Variants in KANK3 observed in about 807,000 individuals in gnomAD.
The protein encoded by KANK3 is KN motif and ankyrin repeat domain-containing protein 3.
In KANK3, 61 loss-of-function variants were observed where a neutral mutation model predicts 65.4. The ratio of observed to expected loss-of-function variants is 0.93; its 90% CI spans 0.76 to 1.15. The LOEUF (loss-of-function observed/expected upper bound fraction) is 1.15, where lower values mean the gene tolerates loss of function less well. Ranked by LOEUF, KANK3 falls within the 50% of genes most tolerant of loss-of-function variation. The probability of loss-of-function intolerance (pLI) is 0.00; values close to 1 mark genes in which losing one functional copy is unlikely to be tolerated. For synonymous variants in KANK3, 586 were observed against 543.3 expected, an observed-to-expected ratio of 1.08 and a Z score of -1.09; for missense variants, 1,187 against 1,178.8, an observed-to-expected ratio of 1.01 and a Z score of -0.10.
intron 1 of KANK3, among the ~76,000 whole-genome samples, chr19:8,340,275 C>CGTATATATAT (rs780229218): frequency 0.018 from 1,186 of 65,446 alleles, 19 homozygotes; most frequent in African/African-American, 0.062. Flanking sequence ...AAAAAAAAAC[C>CGTATATATAT]ATATATATAT....
At chr19:8,341,862 A>G (rs564547865) in intron 1 of KANK3, among the ~76,000 whole-genome samples, 36 of 152,072 alleles carry the variant, frequency 2.4e-4, no homozygotes, top group African/African-American at 6.7e-4. Context: ...CCCTTCCCCT[A>G]TTGTACAGAT....
Position 8,322,799 on chromosome 19 carries a change from A to T in KANK3, c.*40T>A. ...AAAGGCTGAGGTGACTGACGAGGAG[A>T]TCTCCCCACAGCTAGGTGTAGTGAG... On this transcript the variant is annotated 3_prime_UTR_variant, in exon 11 of 11. Transcript: ENST00000330915. 1 of 1,466,512 alleles carries T rather than the reference A, an allele frequency of 6.8e-7. No homozygotes were observed. The highest frequency in any genetic ancestry group is 9.5e-7 in the Non-Finnish European group (1 of 1,050,114). The allele number at this position is 1,466,512 out of a possible 1,614,324, so 90.8% of individuals were successfully genotyped here.
chr19:8,324,377 G>A, intron 10 of KANK3, 72 bp downstream of exon 10: 1 of 1,365,788 alleles, frequency 7.3e-7, no homozygotes, highest in Non-Finnish European at 1.0e-6. Context: ...GGGAGGCTCA[G>A]GGCATATTTA....
At position 8,333,267 on chromosome 19, in the gene KANK3, G is replaced by A. The variant is rs1266304145; in HGVS notation, c.1720-37C>T. 1.2e-5 allele frequency: 19 copies of A among 1,537,758 alleles called. No individual in the cohort carries two copies. Among genetic ancestry groups the A allele is most frequent in the Non-Finnish European group, 1.5e-5 (17 of 1,130,002 alleles). The stretch of plus-strand genomic sequence containing the variant: ...AGGGGCCAAGATAACATCGGCGATG[G>A]TCCACGGCGGCGCCGTGGTGGGGGA... On this transcript the variant is annotated intron_variant, in intron 6 of 10. Transcript: ENST00000330915. The surrounding 1 kb of genome is among the most constrained non-coding windows in gnomAD (Gnocchi z 5.0).
intron 7 of KANK3, among the ~76,000 whole-genome samples, chr19:8,326,481 T>TAAA (rs369948563): frequency 1.2e-4 from 14 of 119,486 alleles, no homozygotes; most frequent in African/African-American, 2.7e-4. Flanking sequence ...CCACCTGTTG[T>TAAA]AAAAAAAAAA....
At chr19:8,326,850 C>T (rs1194361395) in intron 7 of KANK3, among the ~76,000 whole-genome samples, 2 of 152,022 alleles carry the variant, frequency 1.3e-5, no homozygotes, top group African/African-American at 2.4e-5. Context: ...GTCTGGCCAC[C>T]TGTTGTTTGA....
chr19:8,333,762 G>A lies in KANK3; in HGVS notation c.1681C>T (p.Arg561Trp). 6.7e-7 allele frequency: 1 copy of A among 1,489,954 alleles called. No homozygotes were observed. The highest frequency in any genetic ancestry group is 1.3e-5 in the South Asian group (1 of 77,616). 92.3% of individuals were successfully genotyped at this position (1,489,954 alleles called of 1,614,324 possible). A position where few individuals can be genotyped will look rare whatever the true frequency, so the allele number is the denominator to read the frequency against. ...ACTCCGCGGGGCCGGCTCAGCTGCC[G>A]CTGCAGCGCTACGCACGCCTCCCTC... ...RLREACVALQ[R>W]QLSRPRGVAS... The change falls in exon 6 of 11, where the codon CGG becomes TGG. Residue 561 changes from arginine to tryptophan, a missense_variant. Physicochemically the swap from Arg to Trp is moderately radical, Grantham distance 101. Around this residue, in one of 3 missense-constraint regions of KANK3, gnomAD observed 1,078 missense variants for 1,038.2 expected, o/e 1.04. Coordinates refer to ENST00000330915, the MANE Select transcript of KANK3 (RefSeq NM_198471.3). This position sits in a 1 kb window ranked among gnomAD's most constrained non-coding sequence, Gnocchi z 5.0.
At position 8,333,043 on chromosome 19, in the gene KANK3, A is replaced by G; in HGVS notation, c.1907T>C (p.Leu636Pro). 1 of 1,339,312 alleles carries G rather than the reference A, an allele frequency of 7.5e-7. No individual in the cohort carries two copies. Among genetic ancestry groups the G allele is most frequent in the Admixed American group, 2.2e-5 (1 of 45,882 alleles). The allele number at this position is 1,339,312 out of a possible 1,614,324, so 83.0% of individuals were successfully genotyped here. A position where few individuals can be genotyped will look rare whatever the true frequency, so the allele number is the denominator to read the frequency against. ...ALHYSVSHGN[L>P]AIASLLLDTG... is the part of the protein sequence containing the mutation. ...ATCCAGGAGCAGGCTTGCGATGGCC[A>G]GGTTCCCGTGGGACACACTGTAGTG... is the stretch of plus-strand genomic sequence containing the variant. Residue 636 changes from leucine (L) to proline (P), a missense_variant, in exon 7 of 11, where the codon CTG becomes CCG. Transcript: ENST00000330915. This position sits in a 1 kb window ranked among gnomAD's most constrained non-coding sequence, Gnocchi z 5.0.
chr19:8,339,613 G>A (rs1389441489), intron 1 of KANK3, among the ~76,000 whole-genome samples: 13 of 152,046 alleles, frequency 8.6e-5, no homozygotes, highest in Non-Finnish European at 1.9e-4. Context: ...ACCCACCTCG[G>A]CATCCCAAAG....
At chr19:8,340,951 G>A (rs1970716475) in intron 1 of KANK3, among the ~76,000 whole-genome samples, 1 of 152,252 alleles carries the variant, frequency 6.6e-6, no homozygotes, top group East Asian at 1.9e-4. Flanking sequence ...CAGATCAAGG[G>A]TTGGGGGGTC....
At chr19:8,325,294 A>ATTTTTTTTT (rs1970406243) in intron 7 of KANK3, among the ~76,000 whole-genome samples, 198 bp from the exon 8 acceptor site, 2 of 66,498 alleles carry the variant, frequency 3.0e-5, no homozygotes, top group Non-Finnish European at 6.3e-5. Context: ...TTCCTGTTTC[A>ATTTTTTTTT]TCTTTTTTTT....
intron 1 of KANK3, among the ~76,000 whole-genome samples, chr19:8,338,322 G>A (rs775956155): frequency 1.3e-5 from 2 of 151,892 alleles, no homozygotes; most frequent in Non-Finnish European, 2.9e-5. Flanking sequence ...GTGCCTAGCC[G>A]ACCTTGAAAC....
At chr19:8,328,308 C>T (rs867074286) in intron 7 of KANK3, among the ~76,000 whole-genome samples, 7 of 151,822 alleles carry the variant, frequency 4.6e-5, no homozygotes, top group Middle Eastern at 3.4e-3. Context: ...TCTTCTGCTA[C>T]GGCCCTTACT....
chr19:8,323,304 TTAATA>T (rs1421267277), intron 10 of KANK3: 1 of 164,056 alleles, frequency 6.1e-6, no homozygotes, highest in African/African-American at 2.4e-5. Flanking sequence ...GAAGCCTGTT[TTAATA>T]AAGTATTGAA....
In KANK3 at chr19:8,324,306, C is replaced by T. The variant is rs74490379; in HGVS notation, c.2382+143G>A. ...CCTGTCTCCCAAAAAAGAAAAGCAGCCACATAGGAGAATCCAGACACTGGT... is the reference window on the plus strand; with the variant it reads ...CCTGTCTCCCAAAAAAGAAAAGCAGTCACATAGGAGAATCCAGACACTGGT... On this transcript the variant is annotated intron_variant, in intron 10 of 10. Transcript: ENST00000330915. 3.0e-3 allele frequency: 2,105 copies of T among 699,320 alleles called. 42 individuals carry two copies. The African/African-American group carries it at 0.036, about 12-fold the overall frequency. The allele number at this position is 699,320 out of a possible 1,614,324, so 43.3% of individuals were successfully genotyped here. A position where few individuals can be genotyped will look rare whatever the true frequency, so the allele number is the denominator to read the frequency against.
Position 8,337,207 on chromosome 19 carries a change from T to TTTTC in KANK3, c.34+587_34+588insGAAA, listed in dbSNP as rs1440929825. 6.4e-5 allele frequency among the ~76,000 whole-genome samples: 9 copies of TTTTC among 140,886 alleles called. No individual in the cohort carries two copies. The East Asian group carries it at 1.8e-3, about 29-fold the overall frequency. The allele number at this position is 140,886 out of a possible 152,430, so 92.4% of individuals were successfully genotyped here. The stretch of plus-strand genomic sequence containing the variant: ...GCCACCATGCCTGGCTAATTTTTTT[T>TTTTC]TTTTTTTTTTTTTTGAGACGCAGTC... On this transcript the variant is annotated intron_variant, in intron 2 of 10. Transcript: ENST00000330915.
chr19:8,335,413 G>A lies in KANK3; in HGVS notation c.414C>T (p.Ser138=). Residue 138 remains serine (S), a synonymous_variant, in exon 3 of 11, where the codon AGC becomes AGT. Coordinates refer to ENST00000330915, the MANE Select transcript of KANK3 (RefSeq NM_198471.3). ...PRVEHTLRET[S]RRLELAQTHE... ...GTGTCTGCGCCAGCTCCAGCCGCCG[G>A]CTGGTCTCCCGGAGCGTGTGCTCGA... is the stretch of plus-strand genomic sequence containing the variant. 8.3e-7 allele frequency: 1 copy of A among 1,205,778 alleles called. No individual in the cohort carries two copies. The highest frequency in any genetic ancestry group is 1.0e-6 in the Non-Finnish European group (1 of 970,944). 74.7% of individuals were successfully genotyped at this position (1,205,778 alleles called of 1,614,324 possible). A position where few individuals can be genotyped will look rare whatever the true frequency, so the allele number is the denominator to read the frequency against.
chr19:8,333,272 CGGCGGCGCCGTGGTGG>C lies in KANK3; in HGVS notation c.1720-58_1720-43del. On this transcript the variant is annotated intron_variant, in intron 6 of 10. Transcript: ENST00000330915. This position sits in a 1 kb window ranked among gnomAD's most constrained non-coding sequence, Gnocchi z 5.0. ...CCAAGATAACATCGGCGATGGTCCA[CGGCGGCGCCGTGGTGG>C]GGGAGCTGGGGAGGGGCGGGACTGG... The C allele has an allele frequency of 6.6e-7, 1 of 1,515,462 alleles. No individual in the cohort carries two copies. 93.9% of individuals were successfully genotyped at this position (1,515,462 alleles called of 1,614,324 possible).
Position 8,324,731 on chromosome 19 carries a change from C to T in KANK3, c.2182G>A (p.Asp728Asn). The T allele has an allele frequency of 6.2e-7, 1 of 1,614,060 alleles. No homozygotes were observed. Among genetic ancestry groups the T allele is most frequent in the Non-Finnish European group, 8.5e-7 (1 of 1,180,016 alleles). Residue 728 changes from aspartate (D) to asparagine (N), a missense_variant, in exon 9 of 11, where the codon GAT becomes AAT. By Grantham distance (23) the Asp-to-Asn change is conservative. Coordinates refer to ENST00000330915, the MANE Select transcript of KANK3 (RefSeq NM_198471.3). ...CGADVNAQDA[D>N]GATALMCASE... is the part of the protein sequence containing the mutation. ...GCACACATCAGCGCTGTGGCCCCAT[C>T]CGCATCCTGCGCATTCACATCAGCC...
Sources: gnomAD v4.1 joint callset for allele counts (sites outside exome capture counted in the v4.1 genomes callset) on GRCh38, gnomAD v4.1.1 for gene constraint, gnomAD v4.1.1 regional missense constraint, Gnocchi (gnomAD v3.1) non-coding constraint, MANE v1.5 for transcripts, NCBI Gene and HGNC (gene_info 2026-07-23, HGNC 2026-07-21) for gene names.